Variants in SAP130 observed in about 807,000 individuals in gnomAD.
SAP130 encodes Sin3A associated protein 130.
SAP130 carries 16 observed loss-of-function variants against 103.2 expected under a neutral mutation model. That is an observed-to-expected ratio of 0.16 (90% CI 0.10 to 0.24). SAP130 has a LOEUF of 0.24. Among genes scored for constraint, SAP130 ranks in the 10% least tolerant of loss-of-function variants. The pLI is 1.00. For missense variants in SAP130, 990 were observed against 1,359.7 expected (o/e 0.73, Z 4.28); for synonymous variants, 477 against 497.0 (o/e 0.96, Z 0.53).
At chr2:127,944,443 T>TC (rs1553499436) in intron 19 of SAP130, among the ~76,000 whole-genome samples, 5 of 151,278 alleles carry the variant, frequency 3.3e-5, no homozygotes, top group African/African-American at 4.9e-5. Flanking sequence ...ATTTTTTTTT[T>TC]CCCCGAGAGG....
rs1679372030 is a variant in SAP130 at position 127,949,858 on chromosome 2, G to A, written c.2797+11C>T. ...CATGCATTAATATCAAGTGTTTCTG[G>A]GGAAACTAACCTTTGACCCGGACGT... On this transcript the variant is annotated intron_variant, in intron 18 of 20. Transcript: ENST00000643581. The A allele has an allele frequency of 1.2e-6, 2 of 1,613,500 alleles. No homozygotes were observed. The highest frequency in any genetic ancestry group is 1.7e-6 in the Non-Finnish European group (2 of 1,179,746).
chr2:128,005,691 G>C (rs2105128776), intron 7 of SAP130, among the ~76,000 whole-genome samples: 1 of 150,908 alleles, frequency 6.6e-6, no homozygotes. Flanking sequence ...CTGTTGCCCA[G>C]GCTGGAGCGC....
chr2:127,961,992 C>T (rs1166795405), intron 15 of SAP130, among the ~76,000 whole-genome samples: 1 of 152,122 alleles, frequency 6.6e-6, no homozygotes, highest in Non-Finnish European at 1.5e-5. Context: ...GCTCTCAGCA[C>T]GTTGACACCT....
At chr2:127,968,416 T>C (rs1680826352) in intron 15 of SAP130, among the ~76,000 whole-genome samples, 1 of 132,550 alleles carries the variant, frequency 7.5e-6, no homozygotes, top group Non-Finnish European at 1.5e-5. Flanking sequence ...CGGAGTTGGT[T>C]TTTTTTTTTT....
chr2:127,972,123 T>C lies in SAP130; in HGVS notation c.2063+5862A>G, dbSNP rs142488037. Among the ~76,000 whole-genome samples, 523 of 152,214 alleles carry C rather than the reference T, an allele frequency of 3.4e-3. 1 individual carries two copies. Among genetic ancestry groups the C allele is most frequent in the Non-Finnish European group, 6.2e-3 (419 of 68,006 alleles). On this transcript the variant is annotated intron_variant, in intron 15 of 20. Transcript: ENST00000643581. ...CAAATAAAGCCAGTCTGAGTGCCTG[T>C]GTGGGCCCTACCTCCACAACTTCTC...
At chr2:128,008,876 G>C (rs1684178157) in intron 7 of SAP130, among the ~76,000 whole-genome samples, 1 of 151,740 alleles carries the variant, frequency 6.6e-6, no homozygotes, top group Non-Finnish European at 1.5e-5. Flanking sequence ...AAAGAGATGG[G>C]GTCTCCCTAT....
intron 14 of SAP130, among the ~76,000 whole-genome samples, chr2:127,983,434 G>A (rs1400015277): frequency 6.6e-6 from 1 of 152,184 alleles, no homozygotes; most frequent in Non-Finnish European, 1.5e-5. Flanking sequence ...GAAATGGTCT[G>A]AAAATGGCAG....
At chr2:127,973,223 A>G (rs966171814) in intron 15 of SAP130, among the ~76,000 whole-genome samples, 5 of 152,012 alleles carry the variant, frequency 3.3e-5, no homozygotes, top group African/African-American at 1.2e-4. Context: ...CTAGAGCTGT[A>G]TTACTTCAGA....
chr2:127,986,214 A>G lies in SAP130; in HGVS notation c.1958+571T>C, dbSNP rs1394060128. On this transcript the variant is annotated intron_variant, in intron 14 of 20. Transcript: ENST00000643581. This position sits in a 1 kb window ranked among gnomAD's most constrained non-coding sequence, Gnocchi z 4.7. The stretch of plus-strand genomic sequence containing the variant: ...AGCCATCTATGGATGGCTAAACTAA[A>G]AGAGCACTCTGTAACACATGCCCAC... 2.0e-5 allele frequency among the ~76,000 whole-genome samples: 3 copies of G among 152,242 alleles called. No individual in the cohort carries two copies. The East Asian group carries it at 5.8e-4, about 29-fold the overall frequency.
chr2:127,962,900 AAAG>A (rs1439812153), intron 15 of SAP130, among the ~76,000 whole-genome samples: 3 of 152,000 alleles, frequency 2.0e-5, no homozygotes, highest in Non-Finnish European at 4.4e-5. Context: ...TAAAAAAAAA[AAAG>A]ATGACTGGCT....
intron 7 of SAP130, among the ~76,000 whole-genome samples, chr2:128,002,180 G>T (rs12469437): frequency 2.0e-5 from 3 of 152,162 alleles, no homozygotes; most frequent in African/African-American, 7.2e-5. Flanking sequence ...GCCTCCCAAA[G>T]TGCTGGGATT....
chr2:127,964,927 A>G (rs1404643458), intron 15 of SAP130, among the ~76,000 whole-genome samples: 1 of 149,260 alleles, frequency 6.7e-6, no homozygotes, highest in Non-Finnish European at 1.5e-5. Context: ...TGAACCCGGG[A>G]GGCGGAAGTT....
intron 5 of SAP130, among the ~76,000 whole-genome samples, chr2:128,014,364 CATCTCAGCCTCCT>C (rs1684616712): frequency 6.6e-6 from 1 of 151,166 alleles, no homozygotes; most frequent in Non-Finnish European, 1.5e-5. Flanking sequence ...GCCATCCTCC[CATCTCAGCCTCCT>C]GAGTGCCATC....
chr2:128,019,763 T>C lies in SAP130; in HGVS notation c.113-1848A>G, dbSNP rs75346325. Among the ~76,000 whole-genome samples the C allele has an allele frequency of 2.2e-4, 33 of 152,080 alleles. No homozygotes were observed. The East Asian group carries it at 6.4e-3, about 29-fold the overall frequency. The stretch of plus-strand genomic sequence containing the variant: ...ATAGCCAGGTGTGATGGTGCACACC[T>C]GTAATCCCAGATACTCAGGAGGCTG... On this transcript the variant is annotated intron_variant, in intron 2 of 20. Transcript: ENST00000643581.
chr2:128,020,328 C>G (rs1685067143), intron 2 of SAP130, among the ~76,000 whole-genome samples: 1 of 152,180 alleles, frequency 6.6e-6, no homozygotes, highest in African/African-American at 2.4e-5. Flanking sequence ...TAGCCACTAT[C>G]CTCCGAAGGA....
At chr2:127,995,176 C>G (rs547524789) in intron 11 of SAP130, among the ~76,000 whole-genome samples, 5 of 152,198 alleles carry the variant, frequency 3.3e-5, no homozygotes, top group African/African-American at 1.2e-4. Flanking sequence ...CCTCTGCCTG[C>G]TCAAAGGGCC....
At position 127,961,734 on chromosome 2, in the gene SAP130, A is replaced by G. The variant is rs374586412; in HGVS notation, c.2064-6390T>C. 3.3e-4 allele frequency among the ~76,000 whole-genome samples: 51 copies of G among 152,302 alleles called. 1 individual carries two copies. The South Asian group carries it at 6.4e-3, about 19-fold the overall frequency. On this transcript the variant is annotated intron_variant, in intron 15 of 20. Transcript: ENST00000643581. ...GGCTCCCCATCCTACCAAGAAATGC[A>G]ATGCCCAGCCACAGTGGACGAACCA...
intron 16 of SAP130, 105 bp downstream of exon 16, chr2:127,954,881 C>A: frequency 1.2e-6 from 1 of 839,524 alleles, no homozygotes; most frequent in Non-Finnish European, 1.9e-6. Context: ...AATGGGTTAT[C>A]AGGGAGTCTT....
chr2:127,949,953 G>A lies in SAP130; in HGVS notation c.2713C>T (p.Pro905Ser). ...CGATAGTGACGAAGCAAAGTAATGG[G>A]GGGTCTTGGACGCACTGGGACATAT... ...VRYVPVRPRPPITLLRHYRNP... is the reference protein window; with the variant it reads ...VRYVPVRPRPSITLLRHYRNP... Residue 905 changes from proline (P) to serine (S), a missense_variant, in exon 18 of 21, where the codon CCC becomes TCC. Pro to Ser is a moderately conservative substitution (Grantham distance 74). Transcript: ENST00000643581. 1 of 1,614,122 alleles carries A rather than the reference G, an allele frequency of 6.2e-7. No individual in the cohort carries two copies. The highest frequency in any genetic ancestry group is 1.3e-5 in the African/African-American group (1 of 75,018).
Sources: gnomAD v4.1 joint callset for allele counts (sites outside exome capture counted in the v4.1 genomes callset) on GRCh38, gnomAD v4.1.1 for gene constraint, Gnocchi (gnomAD v3.1) non-coding constraint, MANE v1.5 for transcripts, NCBI Gene and HGNC (gene_info 2026-07-23, HGNC 2026-07-21) for gene names.